The following ANKH variants were observed in gnomAD, a reference collection of about 807,000 sequenced individuals.
ANKH encodes ANKH inorganic pyrophosphate transport regulator.
A neutral mutation model predicts 49.0 loss-of-function variants in ANKH; 15 were observed. That is an observed-to-expected ratio of 0.31 (90% CI 0.20 to 0.47). The LOEUF (loss-of-function observed/expected upper bound fraction) is 0.47, where lower values mean the gene tolerates loss of function less well. ANKH is among the 20% of genes least tolerant of loss of function. The probability of loss-of-function intolerance (pLI) is 1.00; values close to 1 mark genes in which losing one functional copy is unlikely to be tolerated. For synonymous variants in ANKH, 273 were observed against 260.0 expected (o/e 1.05, Z -0.48); for missense variants, 429 against 652.0 (o/e 0.66, Z 3.72).
At chr5:14,742,867 C>T (rs947732024) in intron 7 of ANKH, among the ~76,000 whole-genome samples, 4 of 152,248 alleles carry the variant, frequency 2.6e-5, no homozygotes, top group Admixed American at 2.6e-4. Context: ...GCGTGCTCCT[C>T]ACCCCTGCAA....
chr5:14,710,157 C>T lies in ANKH; in HGVS notation c.*1040G>A, dbSNP rs1157050880. ...AAGTACCGTAGTACATTCTCAATTACCTGTACCGCAGAGTTATGACTAAGG... is the reference window on the plus strand; with the variant it reads ...AAGTACCGTAGTACATTCTCAATTATCTGTACCGCAGAGTTATGACTAAGG... On this transcript the variant is annotated 3_prime_UTR_variant, in exon 12 of 12. Transcript: ENST00000284268. 1 of 152,190 alleles carries T rather than the reference C, an allele frequency of 6.6e-6. No individual in the cohort carries two copies. Among genetic ancestry groups the T allele is most frequent in the African/African-American group, 2.4e-5 (1 of 41,438 alleles). 9.4% of individuals were successfully genotyped at this position (152,190 alleles called of 1,614,324 possible).
chr5:14,787,215 G>A (rs1167669434), intron 1 of ANKH, among the ~76,000 whole-genome samples: 1 of 152,130 alleles, frequency 6.6e-6, no homozygotes, highest in African/African-American at 2.4e-5. Flanking sequence ...TTGGGAAGCT[G>A]AGGCAGGAGA....
chr5:14,840,667 G>A (rs1032842709), intron 1 of ANKH, among the ~76,000 whole-genome samples: 1 of 152,182 alleles, frequency 6.6e-6, no homozygotes, highest in African/African-American at 2.4e-5. Context: ...CAAATGATCT[G>A]ATTTAGCGAG....
Position 14,749,154 on chromosome 5 carries a change from C to A in ANKH, c.822+18G>T. ...ACCAAGGTGATCATAAGCCCCACAT[C>A]CCCAAAGCATGGCCCACCTCTGTGG... is the stretch of plus-strand genomic sequence containing the variant. On this transcript the variant is annotated intron_variant, in intron 6 of 11. Coordinates refer to ENST00000284268, the MANE Select transcript of ANKH (RefSeq NM_054027.6). 1 of 1,613,970 alleles carries A rather than the reference C, an allele frequency of 6.2e-7. No individual in the cohort carries two copies. Among genetic ancestry groups the A allele is most frequent in the Non-Finnish European group, 8.5e-7 (1 of 1,179,860 alleles).
At position 14,718,929 on chromosome 5, in the gene ANKH, C is replaced by G. The variant is rs557674480; in HGVS notation, c.1012-2094G>C. On this transcript the variant is annotated intron_variant, in intron 8 of 11. Coordinates refer to ENST00000284268, the MANE Select transcript of ANKH (RefSeq NM_054027.6). Reference sequence around the variant, plus strand: ...AGTTTAGGGAAGCCTACCACAGAGACAGAGCAGAAGGATGAAGGCATGCAA... The same window carrying G: ...AGTTTAGGGAAGCCTACCACAGAGAGAGAGCAGAAGGATGAAGGCATGCAA... 6.1e-4 allele frequency among the ~76,000 whole-genome samples: 92 copies of G among 150,538 alleles called. No homozygotes were observed. In the South Asian group the frequency reaches 0.016, roughly 27 times the overall value.
chr5:14,748,311 G>A (rs906824070), intron 6 of ANKH, among the ~76,000 whole-genome samples: 2 of 152,216 alleles, frequency 1.3e-5, no homozygotes, highest in African/African-American at 4.8e-5. Context: ...AGGAGAACAT[G>A]AGCAGCTTCC....
At chr5:14,720,303 T>C (rs1453340358) in intron 8 of ANKH, among the ~76,000 whole-genome samples, 1 of 152,144 alleles carries the variant, frequency 6.6e-6, no homozygotes, top group Admixed American at 6.5e-5. Flanking sequence ...AAGGAAAAAA[T>C]ACTTCCTTAG....
At chr5:14,815,921 G>A (rs1271582772) in intron 1 of ANKH, among the ~76,000 whole-genome samples, 1 of 152,146 alleles carries the variant, frequency 6.6e-6, no homozygotes. Flanking sequence ...GGCCAAGGTG[G>A]GCAGGTTATT....
chr5:14,871,327 C>G, intron 1 of ANKH, 25 bp downstream of exon 1: 1 of 1,596,492 alleles, frequency 6.3e-7, no homozygotes, highest in South Asian at 1.1e-5. Flanking sequence ...GGCGAGCGGG[C>G]GTGGGGCGCG....
At chr5:14,837,460 G>A (rs1390315243) in intron 1 of ANKH, among the ~76,000 whole-genome samples, 5 of 152,274 alleles carry the variant, frequency 3.3e-5, no homozygotes, top group African/African-American at 7.2e-5. Flanking sequence ...AAAAGTGGAC[G>A]AAGGATATGA....
At chr5:14,744,716 G>C (rs1738474987) in intron 7 of ANKH, among the ~76,000 whole-genome samples, 1 of 152,232 alleles carries the variant, frequency 6.6e-6, no homozygotes, top group South Asian at 2.1e-4. Context: ...GATGCCCTTG[G>C]GCCAGGCTGT....
At chr5:14,780,524 CAG>C (rs1302757533) in intron 1 of ANKH, among the ~76,000 whole-genome samples, 1 of 152,130 alleles carries the variant, frequency 6.6e-6, no homozygotes, top group Admixed American at 6.5e-5. Context: ...GCCTAGCCAA[CAG>C]AGTTAGACTG....
chr5:14,807,113 C>CTTTTTTT (rs35180875), intron 1 of ANKH, among the ~76,000 whole-genome samples: 4 of 127,720 alleles, frequency 3.1e-5, no homozygotes, highest in Non-Finnish European at 5.0e-5. Flanking sequence ...CATGATATTT[C>CTTTTTTT]TTTTTTTTTT....
In ANKH at chr5:14,844,664, C is replaced by T. The variant is rs116370288; in HGVS notation, c.96+26688G>A. ...GTGGTCACAGGTGGCTATTTAAAGA[C>T]GAGCCCCTTTCACTGTCTGTGACTA... is the stretch of plus-strand genomic sequence containing the variant. On this transcript the variant is annotated intron_variant, in intron 1 of 11. Coordinates refer to ENST00000284268, the MANE Select transcript of ANKH (RefSeq NM_054027.6). Among the ~76,000 whole-genome samples the T allele has an allele frequency of 5.2e-3, 794 of 152,312 alleles. 6 individuals carry two copies. The highest frequency in any genetic ancestry group is 0.017 in the African/African-American group (704 of 41,560).
chr5:14,859,506 TACAAACTCTCC>T (rs1160305462), intron 1 of ANKH, among the ~76,000 whole-genome samples: 1 of 152,224 alleles, frequency 6.6e-6, no homozygotes, highest in Non-Finnish European at 1.5e-5. Context: ...ACAATTATTT[TACAAACTCTCC>T]ACCTGCTGAA....
chr5:14,810,665 G>A lies in ANKH; in HGVS notation c.97-41474C>T, dbSNP rs576280606. Among the ~76,000 whole-genome samples the A allele has an allele frequency of 9.2e-5, 14 of 152,238 alleles. 1 individual carries two copies. The South Asian group carries it at 2.9e-3, about 32-fold the overall frequency. ...TTTCAAGTCTCAGGAATCTCTTGCA[G>A]CATTAAGAAACCAGAGAGACAACTA... On this transcript the variant is annotated intron_variant, in intron 1 of 11. Transcript: ENST00000284268.
chr5:14,823,732 G>T (rs541041301), intron 1 of ANKH, among the ~76,000 whole-genome samples: 1 of 152,266 alleles, frequency 6.6e-6, no homozygotes, highest in East Asian at 1.9e-4. Context: ...TTCGAGACCA[G>T]CCTGGCCAAC....
chr5:14,782,692 T>G (rs1739845704), intron 1 of ANKH, among the ~76,000 whole-genome samples: 1 of 152,158 alleles, frequency 6.6e-6, no homozygotes, highest in African/African-American at 2.4e-5. Flanking sequence ...GAACTGAGTG[T>G]GACTAAAGAC....
chr5:14,839,831 T>C (rs890108186), intron 1 of ANKH, among the ~76,000 whole-genome samples: 1 of 152,218 alleles, frequency 6.6e-6, no homozygotes, highest in Non-Finnish European at 1.5e-5. Flanking sequence ...TATTGTGATG[T>C]GGGAAGAGAT....
Sources: allele counts gnomAD v4.1 joint callset (sites outside exome capture counted in the v4.1 genomes callset), GRCh38; gene constraint gnomAD v4.1.1; transcripts MANE v1.5; gene names NCBI Gene and HGNC (gene_info 2026-07-23, HGNC 2026-07-21).